PDS5B: variants seen among roughly 807,000 people sequenced by gnomAD.
PDS5B encodes the protein PDS5 cohesin associated factor B.
Under a neutral mutation model 184.1 loss-of-function variants are expected in PDS5B, and 51 were observed. The ratio of observed to expected loss-of-function variants is 0.28; its 90% CI spans 0.22 to 0.35. The LOEUF is 0.35. Among genes scored for constraint, PDS5B ranks in the 10% least tolerant of loss-of-function variants. The pLI, the probability that PDS5B is intolerant of heterozygous loss-of-function variation, is 1.00. For synonymous variants in PDS5B, 566 were observed against 569.2 expected (o/e 0.99, Z 0.08); for missense variants, 1,180 against 1,723.3 (o/e 0.68, Z 5.58).
chr13:32,723,112 A>AT (rs1233165440), intron 19 of PDS5B, among the ~76,000 whole-genome samples: 2 of 152,254 alleles, frequency 1.3e-5, no homozygotes, highest in Non-Finnish European at 2.9e-5. Context: ...TGGTATAGCC[A>AT]TACACTATAC....
rs762298054 is a variant in PDS5B, at chr13:32,760,727, G to A, written c.3518+7G>A. 1.4e-5 allele frequency: 23 copies of A among 1,609,840 alleles called. No homozygotes were observed. The South Asian group carries it at 2.4e-4, about 17-fold the overall frequency. On this transcript the variant is annotated splice_region_variant and intron_variant, in intron 30 of 34. Transcript: ENST00000315596. ...CTGGAAGAATAAAGGGGAGGTAAGT[G>A]CAAAAGAAATGCCACAATTTACATT... is the stretch of plus-strand genomic sequence containing the variant.
intron 1 of PDS5B, among the ~76,000 whole-genome samples, chr13:32,631,567 T>C (rs1399427993): frequency 6.6e-6 from 1 of 152,212 alleles, no homozygotes; most frequent in Non-Finnish European, 1.5e-5. Context: ...TAAATATTTG[T>C]TGTTGAAAGA....
intron 10 of PDS5B, among the ~76,000 whole-genome samples, chr13:32,683,268 CA>C (rs1951296823): frequency 6.6e-6 from 1 of 151,796 alleles, no homozygotes; most frequent in Non-Finnish European, 1.5e-5. Flanking sequence ...CTCATCCTCC[CA>C]AAGTGCTGGG....
intron 6 of PDS5B, among the ~76,000 whole-genome samples, chr13:32,661,322 T>G (rs2140709594): frequency 7.7e-6 from 1 of 129,446 alleles, no homozygotes; most frequent in Admixed American, 1.0e-4. Flanking sequence ...AGGTGGAGGT[T>G]ACAGTGAGCT....
chr13:32,773,245 T>G lies in PDS5B; in HGVS notation c.4229T>G (p.Val1410Gly), dbSNP rs755417524. Residue 1410 changes from valine (V) to glycine (G), a missense_variant, in exon 34 of 35, where the codon GTA (valine) becomes GGA (glycine). Val to Gly is a moderately radical substitution (Grantham distance 109). This residue lies in a region of PDS5B where 465 missense variants were observed against 497.8 expected (regional missense o/e 0.93). Coordinates refer to ENST00000315596, the MANE Select transcript of PDS5B (RefSeq NM_015032.4). ...AAGGAAAATGATTCAAGTGAAGAAGTAGATGTGTTTCAGGGTAGCTCTCCT... is the reference window on the plus strand; with the variant it reads ...AAGGAAAATGATTCAAGTGAAGAAGGAGATGTGTTTCAGGGTAGCTCTCCT... Reference protein sequence around the residue: ...ATKENDSSEEVDVFQGSSPVD... With the variant: ...ATKENDSSEEGDVFQGSSPVD... 2 of 1,613,090 alleles carry G rather than the reference T, an allele frequency of 1.2e-6. No homozygotes were observed. Among genetic ancestry groups the G allele is most frequent in the Admixed American group, 3.3e-5 (2 of 59,942 alleles).
chr13:32,717,154 G>A (rs1434520593), intron 19 of PDS5B, among the ~76,000 whole-genome samples: 1 of 152,260 alleles, frequency 6.6e-6, no homozygotes, highest in East Asian at 1.9e-4. Flanking sequence ...GAAGTGAGGA[G>A]CCCCTCTGCC....
chr13:32,772,199 A>G (rs550779237), intron 33 of PDS5B, among the ~76,000 whole-genome samples: 2 of 152,330 alleles, frequency 1.3e-5, no homozygotes, highest in East Asian at 3.9e-4. Context: ...AAAAAAATAC[A>G]TATTTTGGAT....
chr13:32,737,929 A>T (rs1953398213), intron 21 of PDS5B, among the ~76,000 whole-genome samples: 1 of 152,102 alleles, frequency 6.6e-6, no homozygotes, highest in East Asian at 1.9e-4. Context: ...TTTACCACAT[A>T]CTTGTTTAGT....
At chr13:32,611,714 G>T (rs922599510) in intron 1 of PDS5B, among the ~76,000 whole-genome samples, 28 of 151,858 alleles carry the variant, frequency 1.8e-4, no homozygotes, top group Admixed American at 1.7e-3. Flanking sequence ...TTACCTTGTT[G>T]CCCAGGCTGG....
chr13:32,632,991 C>G (rs2058481861), intron 1 of PDS5B, among the ~76,000 whole-genome samples: 2 of 152,150 alleles, frequency 1.3e-5, no homozygotes, highest in Admixed American at 1.3e-4. Context: ...GTCCCAGCTA[C>G]TCAAAAGAAT....
At chr13:32,613,490 T>C (rs1191756024) in intron 1 of PDS5B, among the ~76,000 whole-genome samples, 1 of 152,242 alleles carries the variant, frequency 6.6e-6, no homozygotes, top group Non-Finnish European at 1.5e-5. Flanking sequence ...TGATGATTAA[T>C]GATGCTGAGC....
In PDS5B at chr13:32,777,389, A is replaced by C. The variant is rs1456733205; in HGVS notation, c.*2337A>C. 6.7e-6 allele frequency: 1 copy of C among 148,752 alleles called. No homozygotes were observed. The highest frequency in any genetic ancestry group is 1.5e-5 in the Non-Finnish European group (1 of 67,092). The allele number at this position is 148,752 out of a possible 1,614,324, so 9.2% of individuals were successfully genotyped here. ...TTTGTGTAGAAAAATAGGTGCAATA[A>C]TGATCAAAGTTTTGATGTCTTGAGT... On this transcript the variant is annotated 3_prime_UTR_variant, in exon 35 of 35. Coordinates refer to ENST00000315596, the MANE Select transcript of PDS5B (RefSeq NM_015032.4).
At chr13:32,748,745 C>G (rs376048630) in intron 24 of PDS5B, among the ~76,000 whole-genome samples, 1 of 152,018 alleles carries the variant, frequency 6.6e-6, no homozygotes, top group East Asian at 1.9e-4. Context: ...GTTCACAGAT[C>G]TATTCTTTCT....
rs116377238 is a variant in PDS5B at position 32,720,299 on chromosome 13, C to G, written c.2123+10193C>G. ...AGTATTAGTTAGCATTCCAACAATGCTGTCTTGGTGGGAGTATAAAATGAT... is the reference window on the plus strand; with the variant it reads ...AGTATTAGTTAGCATTCCAACAATGGTGTCTTGGTGGGAGTATAAAATGAT... On this transcript the variant is annotated intron_variant, in intron 19 of 34. Coordinates refer to ENST00000315596, the MANE Select transcript of PDS5B (RefSeq NM_015032.4). Among the ~76,000 whole-genome samples, 1,378 of 152,102 alleles carry G rather than the reference C, an allele frequency of 9.1e-3. 28 individuals carry two copies. The highest frequency in any genetic ancestry group is 0.032 in the African/African-American group (1,327 of 41,462).
At chr13:32,652,244 A>C (rs1593340034) in intron 3 of PDS5B, 2 of 372,464 alleles carry the variant, frequency 5.4e-6, no homozygotes, top group East Asian at 9.0e-5. Flanking sequence ...TCATGTCATC[A>C]TTAGCTCTGT....
At chr13:32,660,814 G>A (rs1950622824) in intron 6 of PDS5B, among the ~76,000 whole-genome samples, 1 of 152,108 alleles carries the variant, frequency 6.6e-6, no homozygotes, top group Non-Finnish European at 1.5e-5. Context: ...CTGTCTCTAA[G>A]TACAGGAGCT....
In PDS5B at chr13:32,735,338, A is replaced by T. The variant is rs767758739; in HGVS notation, c.2406+8A>T. 2.5e-6 allele frequency: 4 copies of T among 1,590,362 alleles called. No homozygotes were observed. Among genetic ancestry groups the T allele is most frequent in the Non-Finnish European group, 3.4e-6 (4 of 1,165,894 alleles). ...CTTCTCATGAATGATCGGGTAATTT[A>T]TATTTTTTAGATTCATGTTCTTTGT... On this transcript the variant is annotated splice_region_variant and intron_variant, in intron 21 of 34. Coordinates refer to ENST00000315596, the MANE Select transcript of PDS5B (RefSeq NM_015032.4).
chr13:32,743,236 T>C (rs1313520509), intron 23 of PDS5B, among the ~76,000 whole-genome samples: 1 of 152,118 alleles, frequency 6.6e-6, no homozygotes, highest in Non-Finnish European at 1.5e-5. Context: ...GGAGCCTGGA[T>C]TTCAAATTCT....
At chr13:32,711,655 G>C (rs1952208694) in intron 19 of PDS5B, among the ~76,000 whole-genome samples, 32 of 152,182 alleles carry the variant, frequency 2.1e-4, no homozygotes, top group Admixed American at 2.1e-3. Context: ...ACCGCGCCTG[G>C]CCTTGACTTC....
Sources: allele counts gnomAD v4.1 joint callset (sites outside exome capture counted in the v4.1 genomes callset), GRCh38; gene constraint gnomAD v4.1.1; regional missense constraint gnomAD v4.1.1; transcripts MANE v1.5; gene names NCBI Gene and HGNC (gene_info 2026-07-23, HGNC 2026-07-21).